Variants in LMTK2 observed in about 807,000 individuals in gnomAD.
LMTK2 encodes the protein lemur tail kinase 2, also known as serine/threonine-protein kinase LMTK2.
Under a neutral mutation model 127.5 loss-of-function variants are expected in LMTK2, and 37 were observed. That is an observed-to-expected ratio of 0.29 (90% CI 0.22 to 0.38). The LOEUF is 0.38. LMTK2 is among the 10% of genes least tolerant of loss of function. The pLI is 1.00. For missense variants in LMTK2, 1,694 were observed against 1,920.3 expected, an observed-to-expected ratio of 0.88 and a Z score of 2.20; for synonymous variants, 819 against 810.1, an observed-to-expected ratio of 1.01 and a Z score of -0.19.
intron 7 of LMTK2, among the ~76,000 whole-genome samples, chr7:98,177,607 A>G (rs990008771): frequency 2.0e-5 from 3 of 152,164 alleles, no homozygotes; most frequent in Non-Finnish European, 1.5e-5. Context: ...GGCTCAAGCA[A>G]TCCTCTTGTC....
At chr7:98,178,659 G>A (rs1031822745) in intron 7 of LMTK2, among the ~76,000 whole-genome samples, 1 of 152,216 alleles carries the variant, frequency 6.6e-6, no homozygotes, top group African/African-American at 2.4e-5. Context: ...TCCCTCTGTT[G>A]TTAAGAAGTG....
intron 1 of LMTK2, among the ~76,000 whole-genome samples, chr7:98,130,433 C>T (rs1010174772): frequency 6.6e-6 from 1 of 152,160 alleles, no homozygotes; most frequent in Non-Finnish European, 1.5e-5. Flanking sequence ...ACCTACTGGT[C>T]TTTGGCTCTT....
At chr7:98,149,944 C>T (rs933670192) in intron 3 of LMTK2, among the ~76,000 whole-genome samples, 2 of 320 alleles carry the variant, frequency 6.3e-3, no homozygotes, top group Non-Finnish European at 0.019. Flanking sequence ...TAATAAGAAA[C>T]AGCCAATAAA....
intron 11 of LMTK2, among the ~76,000 whole-genome samples, chr7:98,195,160 G>A (rs1030478079): frequency 9.9e-5 from 15 of 152,216 alleles, no homozygotes; most frequent in African/African-American, 3.6e-4. Flanking sequence ...TGGGATTACA[G>A]GCATGAGCCA....
At chr7:98,166,759 G>A (rs1797107770) in intron 6 of LMTK2, among the ~76,000 whole-genome samples, 1 of 152,148 alleles carries the variant, frequency 6.6e-6, no homozygotes, top group Non-Finnish European at 1.5e-5. Context: ...GTAGCCTCAG[G>A]GTGCAGTAGG....
rs1284240321 is a variant in LMTK2, at chr7:98,170,769, A to C, written c.658-772A>C. Among the ~76,000 whole-genome samples, 3 of 152,326 alleles carry C rather than the reference A, an allele frequency of 2.0e-5. No individual in the cohort carries two copies. In the East Asian group the frequency reaches 5.8e-4, roughly 29 times the overall value. ...ATAACAGATACACGGTAAACTCCCA[A>C]AAACATAGTATCCTAAATGAAAATC... On this transcript the variant is annotated intron_variant, in intron 6 of 13. Transcript: ENST00000297293.
intron 13 of LMTK2, 130 bp downstream of exon 13, chr7:98,204,316 T>C (rs1347931076): frequency 7.9e-7 from 1 of 1,263,326 alleles, no homozygotes; most frequent in East Asian, 2.4e-5. Flanking sequence ...ATTACAAACT[T>C]GTTTTTATAA....
intron 11 of LMTK2, among the ~76,000 whole-genome samples, chr7:98,198,348 G>A (rs558775699): frequency 2.0e-5 from 3 of 151,906 alleles, no homozygotes; most frequent in South Asian, 2.1e-4. Context: ...GTGCCACCGC[G>A]CTTGGCTAAT....
At chr7:98,140,196 CT>C (rs60044649) in intron 2 of LMTK2, among the ~76,000 whole-genome samples, 1,302 of 4,878 alleles carry the variant, frequency 0.27, 361 homozygotes, top group Non-Finnish European at 0.3. Context: ...TTCTTTCTGT[CT>C]TTGAGATGGT....
chr7:98,164,175 G>A (rs531910121), intron 6 of LMTK2, among the ~76,000 whole-genome samples: 3 of 152,328 alleles, frequency 2.0e-5, no homozygotes, highest in Non-Finnish European at 2.9e-5. Context: ...CAATGCTGAC[G>A]GTGACAATGT....
At chr7:98,181,543 T>A (rs1797355477) in intron 7 of LMTK2, among the ~76,000 whole-genome samples, 1 of 152,214 alleles carries the variant, frequency 6.6e-6, no homozygotes, top group Admixed American at 6.5e-5. Context: ...TAAAACTTAC[T>A]ACAAAGCTAC....
rs1340203957 is a variant in LMTK2, at chr7:98,193,805, G to A, written c.3340G>A (p.Glu1114Lys). Reference protein sequence around the residue: ...AYFSDNDSEPEKRSEEVPGTS... With the variant: ...AYFSDNDSEPKKRSEEVPGTS... ...CTTCTCAGACAATGACTCTGAGCCC[G>A]AGAAAAGGTCTGAGGAGGTCCCGGG... is the stretch of plus-strand genomic sequence containing the variant. Residue 1114 changes from glutamate (E) to lysine (K), a missense_variant, in exon 11 of 14, where the codon GAG becomes AAG. Physicochemically the swap from Glu to Lys is moderately conservative, Grantham distance 56. This residue lies in a region of LMTK2 where 554 missense variants were observed against 567.7 expected (regional missense o/e 0.98). Coordinates refer to ENST00000297293, the MANE Select transcript of LMTK2 (RefSeq NM_014916.4). The surrounding 1 kb of genome is among the most constrained non-coding windows in gnomAD (Gnocchi z 4.1). The A allele has an allele frequency of 8.7e-6, 14 of 1,613,960 alleles. No homozygotes were observed. The highest frequency in any genetic ancestry group is 2.2e-5 in the South Asian group (2 of 91,046).
intron 4 of LMTK2, among the ~76,000 whole-genome samples, chr7:98,154,149 A>G (rs1286932379): frequency 1.3e-5 from 2 of 152,074 alleles, no homozygotes; most frequent in Admixed American, 6.5e-5. Context: ...TATATTTAGC[A>G]TTTCCCTTGT....
rs940692437 is a variant in LMTK2, at chr7:98,107,144, C to T, written c.-34C>T. The T allele has an allele frequency of 1.7e-5, 24 of 1,399,692 alleles. No homozygotes were observed. The Admixed American group carries it at 6.4e-4, about 37-fold the overall frequency. The allele number at this position is 1,399,692 out of a possible 1,614,324, so 86.7% of individuals were successfully genotyped here. On this transcript the variant is annotated 5_prime_UTR_variant, in exon 1 of 14. Coordinates refer to ENST00000297293, the MANE Select transcript of LMTK2 (RefSeq NM_014916.4). Reference sequence around the variant, plus strand: ...ACGGACGGACGGACGGAAGGCGACTCGAGGGCCGGCCCCGGAGCCGCGCCG... The same window carrying T: ...ACGGACGGACGGACGGAAGGCGACTTGAGGGCCGGCCCCGGAGCCGCGCCG...
At chr7:98,191,100 T>G (rs1179432622) in intron 10 of LMTK2, among the ~76,000 whole-genome samples, 2 of 152,148 alleles carry the variant, frequency 1.3e-5, no homozygotes, top group African/African-American at 2.4e-5. Context: ...TTCATATTGT[T>G]TATTTATTTA....
chr7:98,199,714 C>A (rs190164036), intron 11 of LMTK2, among the ~76,000 whole-genome samples: 1 of 152,150 alleles, frequency 6.6e-6, no homozygotes, highest in Admixed American at 6.5e-5. Context: ...AGGCTGGTCT[C>A]GAACTCCTGA....
At chr7:98,115,170 G>A (rs1312898806) in intron 1 of LMTK2, among the ~76,000 whole-genome samples, 1 of 152,008 alleles carries the variant, frequency 6.6e-6, no homozygotes, top group Admixed American at 6.6e-5. Context: ...ATCCCAGCAC[G>A]GTGGGAGGTC....
chr7:98,156,514 G>A (rs1030732916), intron 5 of LMTK2, among the ~76,000 whole-genome samples: 5 of 152,090 alleles, frequency 3.3e-5, no homozygotes, highest in Non-Finnish European at 4.4e-5. Flanking sequence ...CCAAATGCTG[G>A]CAAGGATGTG....
In LMTK2 at chr7:98,204,130, C is replaced by G. The variant is rs1797751279; in HGVS notation, c.4427C>G (p.Ala1476Gly). The change falls in exon 13 of 14, where the codon GCC becomes GGC. Residue 1476 changes from alanine to glycine, a missense_variant. Coordinates refer to ENST00000297293, the MANE Select transcript of LMTK2 (RefSeq NM_014916.4). ...TACTCCCGGTTCTCCATCTCTCCCG[C>G]CAACATTGCCAGCTTTTCCCTCACA... ...APYSRFSISP[A>G]NIASFSLTHL... is the part of the protein sequence containing the mutation. The G allele has an allele frequency of 6.2e-7, 1 of 1,611,842 alleles. No individual in the cohort carries two copies. The highest frequency in any genetic ancestry group is 2.2e-5 in the East Asian group (1 of 44,880).
Sources: allele counts gnomAD v4.1 joint callset (sites outside exome capture counted in the v4.1 genomes callset), GRCh38; gene constraint gnomAD v4.1.1; regional missense constraint gnomAD v4.1.1; non-coding constraint Gnocchi (gnomAD v3.1); transcripts MANE v1.5; gene names NCBI Gene and HGNC (gene_info 2026-07-23, HGNC 2026-07-21).